SCML4: variants seen among roughly 807,000 people sequenced by gnomAD.
The protein encoded by SCML4 is Scm polycomb group protein like 4.
SCML4 carries 34 observed loss-of-function variants against 41.1 expected under a neutral mutation model. The ratio of observed to expected loss-of-function variants is 0.83; its 90% CI spans 0.63 to 1.10. The LOEUF is 1.10. SCML4 is among the 50% of genes least tolerant of loss of function. The probability of loss-of-function intolerance (pLI) is 0.00; values close to 1 mark genes in which losing one functional copy is unlikely to be tolerated. For synonymous variants in SCML4, 214 were observed against 220.9 expected, an observed-to-expected ratio of 0.97 and a Z score of 0.28; for missense variants, 522 against 534.1, an observed-to-expected ratio of 0.98 and a Z score of 0.22.
the SCML4 span, among the ~76,000 whole-genome samples, chr6:107,835,693 A>G: frequency 7.0e-6 from 1 of 143,348 alleles, no homozygotes. Context: ...TGAGCCAGGA[A>G]GTCGAGGCTG....
intron 5 of SCML4, among the ~76,000 whole-genome samples, chr6:107,735,609 A>T (rs1338309635): frequency 6.6e-6 from 1 of 151,766 alleles, no homozygotes; most frequent in Non-Finnish European, 1.5e-5. Context: ...GACCACCCTG[A>T]CCAACATGGC....
At chr6:107,809,867 G>A (rs960118905) in intron 1 of SCML4, among the ~76,000 whole-genome samples, 17 of 152,066 alleles carry the variant, frequency 1.1e-4, no homozygotes, top group African/African-American at 3.1e-4. Flanking sequence ...TCTCTCTACC[G>A]ACATCTGTAA....
At chr6:107,721,055 C>T in intron 5 of SCML4, 62 bp from the exon 6 acceptor site, 1 of 1,513,442 alleles carries the variant, frequency 6.6e-7, no homozygotes, top group Non-Finnish European at 8.9e-7. Flanking sequence ...GCTATCAGAC[C>T]CTCCGTCTTG....
chr6:107,797,602 T>C (rs1018611066), intron 1 of SCML4, among the ~76,000 whole-genome samples: 9 of 152,190 alleles, frequency 5.9e-5, no homozygotes, highest in African/African-American at 2.2e-4. Flanking sequence ...TGCAATCATT[T>C]TGCCTTTTAA....
chr6:107,714,672 C>A (rs538943620), intron 6 of SCML4, among the ~76,000 whole-genome samples: 2 of 152,216 alleles, frequency 1.3e-5, no homozygotes, highest in Non-Finnish European at 2.9e-5. Context: ...TAGGACCAAC[C>A]AAAACCTGAG....
At chr6:107,819,218 T>C (rs1009609191) in intron 1 of SCML4, among the ~76,000 whole-genome samples, 7 of 48,464 alleles carry the variant, frequency 1.4e-4, no homozygotes, top group Non-Finnish European at 3.0e-4. Context: ...CACTTTCCCC[T>C]GGCTGGATTT....
intron 1 of SCML4, among the ~76,000 whole-genome samples, chr6:107,800,606 G>A (rs1301997385): frequency 1.3e-5 from 2 of 152,136 alleles, no homozygotes; most frequent in Non-Finnish European, 2.9e-5. Context: ...TTTTAAAAAT[G>A]AATTTGTGTT....
At chr6:107,720,214 C>A in intron 6 of SCML4, 1 of 760,686 alleles carries the variant, frequency 1.3e-6, no homozygotes, top group Middle Eastern at 6.6e-4. Context: ...AAATGACCAG[C>A]TTTTGCCAAT....
At chr6:107,817,634 AAG>A (rs202235663) in intron 1 of SCML4, among the ~76,000 whole-genome samples, 8,105 of 54,174 alleles carry the variant, frequency 0.15, 1,225 homozygotes, top group African/African-American at 0.28. Flanking sequence ...AAAAAAAAAA[AAG>A]AAAAAAAAAA....
intron 3 of SCML4, among the ~76,000 whole-genome samples, chr6:107,748,045 GA>G (rs1294489093): frequency 3.3e-5 from 5 of 152,206 alleles, no homozygotes; most frequent in South Asian, 4.2e-4. Context: ...GACCTCTTGA[GA>G]AAAAAACTAT....
upstream of SCML4, among the ~76,000 whole-genome samples, chr6:107,827,798 C>G (rs746551608): frequency 2.0e-5 from 3 of 152,140 alleles, no homozygotes; most frequent in Non-Finnish European, 4.4e-5. Flanking sequence ...AATTTGGGGG[C>G]GTCCCAAATG....
chr6:107,760,398 A>G (rs1779490834), intron 2 of SCML4, among the ~76,000 whole-genome samples: 1 of 152,196 alleles, frequency 6.6e-6, no homozygotes, highest in Non-Finnish European at 1.5e-5. Flanking sequence ...CCAGCTGTAG[A>G]CTTGTCCCAT....
the SCML4 span, among the ~76,000 whole-genome samples, chr6:107,829,634 C>T: frequency 4.7e-4 from 71 of 152,156 alleles, no homozygotes; most frequent in Non-Finnish European, 9.3e-4. Flanking sequence ...ATACCTAATG[C>T]GTGCGGGGCT....
chr6:107,705,286 T>C lies in SCML4; in HGVS notation c.1159A>G (p.Met387Val), dbSNP rs1252054248. 8 of 1,551,582 alleles carry C rather than the reference T, an allele frequency of 5.2e-6. No individual in the cohort carries two copies. Among genetic ancestry groups the C allele is most frequent in the Non-Finnish European group, 7.0e-6 (8 of 1,146,762 alleles). ...TTCAGGCCCAGGTACTTCATGACCA[T>C]GTCACTCTTCAGCAACAGCAGAGCG... ...GNALLLLKSD[M>V]VMKYLGLKLG... Residue 387 changes from methionine (M) to valine (V), a missense_variant, in exon 8 of 8, where the codon ATG becomes GTG. Physicochemically the swap from Met to Val is conservative, Grantham distance 21 (BLOSUM62 1). Coordinates refer to ENST00000369020, the MANE Select transcript of SCML4 (RefSeq NM_198081.5).
chr6:107,807,623 TG>T (rs1281821201), intron 1 of SCML4, among the ~76,000 whole-genome samples: 1 of 152,232 alleles, frequency 6.6e-6, no homozygotes, highest in East Asian at 1.9e-4. Flanking sequence ...CCCATTACAA[TG>T]TTATTGTCAT....
chr6:107,777,392 A>T (rs1372345460), intron 1 of SCML4, among the ~76,000 whole-genome samples: 1 of 152,220 alleles, frequency 6.6e-6, no homozygotes, highest in Non-Finnish European at 1.5e-5. Flanking sequence ...CTGGGATTAC[A>T]GGCATGAGCT....
intron 1 of SCML4, among the ~76,000 whole-genome samples, chr6:107,800,100 C>T (rs566744332): frequency 3.9e-4 from 60 of 152,132 alleles, no homozygotes; most frequent in South Asian, 3.7e-3. Context: ...ATCCTCCCCC[C>T]TCAGCCTCCC....
At chr6:107,732,383 C>T (rs1776652022) in intron 5 of SCML4, 1 of 152,248 alleles carries the variant, frequency 6.6e-6, no homozygotes, top group Non-Finnish European at 1.5e-5. Context: ...AAGGTTGTCT[C>T]TGCAGTTCAG....
chr6:107,705,477 A>C (rs1773518944), intron 7 of SCML4, among the ~76,000 whole-genome samples, 152 bp from the exon 8 acceptor site: 1 of 152,192 alleles, frequency 6.6e-6, no homozygotes. Context: ...AAGGTCTTTT[A>C]AAATATTAAA....
Sources: gnomAD v4.1 joint callset for allele counts (sites outside exome capture counted in the v4.1 genomes callset) on GRCh38, gnomAD v4.1.1 for gene constraint, MANE v1.5 for transcripts, NCBI Gene and HGNC (gene_info 2026-07-23, HGNC 2026-07-21) for gene names.